GRM5: variants seen among roughly 807,000 people sequenced by gnomAD.
The protein encoded by GRM5 is metabotropic glutamate receptor 5.
In GRM5, 19 loss-of-function variants were observed where a neutral mutation model predicts 83.1. That is an observed-to-expected ratio of 0.23 (90% CI 0.16 to 0.34). The LOEUF (loss-of-function observed/expected upper bound fraction) is 0.34, where lower values mean the gene tolerates loss of function less well. GRM5 is among the 10% of genes least tolerant of loss of function. The probability of loss-of-function intolerance (pLI) is 1.00; values close to 1 mark genes in which losing one functional copy is unlikely to be tolerated. For missense variants in GRM5, 1,160 were observed against 1,588.3 expected (o/e 0.73, Z 4.58); for synonymous variants, 675 against 633.6 (o/e 1.07, Z -0.98).
chr11:88,549,223 G>A (rs921721730), intron 8 of GRM5, among the ~76,000 whole-genome samples: 3 of 152,050 alleles, frequency 2.0e-5, no homozygotes, highest in Non-Finnish European at 4.4e-5. Context: ...CAGCAATTTG[G>A]GAGACCAGGG....
At chr11:88,933,275 C>G (rs1207417804) in intron 2 of GRM5, among the ~76,000 whole-genome samples, 3 of 124,590 alleles carry the variant, frequency 2.4e-5, no homozygotes, top group Non-Finnish European at 3.2e-5. Context: ...TAACATCTAA[C>G]TAAGTGCAGA....
intron 2 of GRM5, among the ~76,000 whole-genome samples, chr11:88,995,243 T>C (rs1156736855): frequency 6.6e-6 from 1 of 151,858 alleles, no homozygotes; most frequent in East Asian, 1.9e-4. Context: ...AAAGTGAACA[T>C]ATGAGTTAAA....
chr11:88,842,538 ATTTCAGTGTTAT>A (rs1377164789), intron 3 of GRM5, among the ~76,000 whole-genome samples: 1 of 152,152 alleles, frequency 6.6e-6, no homozygotes, highest in Non-Finnish European at 1.5e-5. Context: ...CCAAATGGCC[ATTTCAGTGTTAT>A]TTTCACTTGA....
At chr11:89,024,174 A>G (rs1223531808) in intron 2 of GRM5, among the ~76,000 whole-genome samples, 1 of 152,176 alleles carries the variant, frequency 6.6e-6, no homozygotes, top group African/African-American at 2.4e-5. Flanking sequence ...TGATATCTCC[A>G]CGGCACTCCA....
intron 2 of GRM5, among the ~76,000 whole-genome samples, chr11:88,938,949 A>G (rs1223402289): frequency 6.6e-6 from 1 of 151,696 alleles, no homozygotes; most frequent in Non-Finnish European, 1.5e-5. Flanking sequence ...TTCTCTCCAT[A>G]ACTGTGAATT....
chr11:88,837,455 T>G (rs1030737328), intron 3 of GRM5, among the ~76,000 whole-genome samples: 1 of 152,218 alleles, frequency 6.6e-6, no homozygotes, highest in African/African-American at 2.4e-5. Context: ...GATCAACCAC[T>G]TAGAACAGTG....
chr11:88,834,079 A>G (rs11021522), intron 3 of GRM5, among the ~76,000 whole-genome samples: 2,516 of 152,270 alleles, frequency 0.017, 42 homozygotes, highest in East Asian at 0.067. Flanking sequence ...TAACAAAAAT[A>G]TATTGTTTGT....
At chr11:88,988,548 C>A (rs1388095289) in intron 2 of GRM5, among the ~76,000 whole-genome samples, 1 of 151,776 alleles carries the variant, frequency 6.6e-6, no homozygotes, top group Non-Finnish European at 1.5e-5. Context: ...AACTCCAAGA[C>A]ACATAACTGT....
At chr11:88,788,216 C>T (rs1396833147) in intron 3 of GRM5, among the ~76,000 whole-genome samples, 1 of 152,106 alleles carries the variant, frequency 6.6e-6, no homozygotes, top group Non-Finnish European at 1.5e-5. Flanking sequence ...AAATATTTTA[C>T]TTCATTTTGA....
intron 2 of GRM5, among the ~76,000 whole-genome samples, chr11:88,928,142 G>C (rs565300611): frequency 6.6e-6 from 1 of 152,250 alleles, no homozygotes; most frequent in Non-Finnish European, 1.5e-5. Context: ...GGGGTAAAAG[G>C]CATCTGATTC....
chr11:88,620,917 G>T (rs1938616153), intron 4 of GRM5, among the ~76,000 whole-genome samples: 1 of 152,112 alleles, frequency 6.6e-6, no homozygotes, highest in Non-Finnish European at 1.5e-5. Flanking sequence ...AGAAAGAAGA[G>T]GCTTCTTCAG....
intron 3 of GRM5, among the ~76,000 whole-genome samples, chr11:88,710,639 C>T (rs1008635339): frequency 6.6e-6 from 1 of 152,034 alleles, no homozygotes; most frequent in Non-Finnish European, 1.5e-5. Context: ...AGAAGGCAGT[C>T]TCTGGCTTTT....
intron 2 of GRM5, among the ~76,000 whole-genome samples, chr11:88,916,120 A>G (rs11021672): frequency 0.029 from 4,446 of 152,278 alleles, 211 homozygotes; most frequent in African/African-American, 0.1. Flanking sequence ...GGCTGAAGAG[A>G]AGCATCCAGC....
At chr11:88,756,519 AAT>A (rs1202319654) in intron 3 of GRM5, among the ~76,000 whole-genome samples, 1 of 152,186 alleles carries the variant, frequency 6.6e-6, no homozygotes, top group Admixed American at 6.5e-5. Context: ...AAGTCGAATT[AAT>A]ATGTCTCATA....
intron 3 of GRM5, among the ~76,000 whole-genome samples, chr11:88,765,798 T>C (rs745668056): frequency 2.2e-4 from 33 of 151,928 alleles, no homozygotes; most frequent in Non-Finnish European, 3.4e-4. Context: ...ATTTGTTGGA[T>C]ATAACATCAA....
chr11:88,765,543 ACAGT>A (rs1942611677), intron 3 of GRM5, among the ~76,000 whole-genome samples: 1 of 151,720 alleles, frequency 6.6e-6, no homozygotes, highest in South Asian at 2.1e-4. Context: ...CTTCACATAT[ACAGT>A]CAAATGGTTT....
Position 88,590,988 on chromosome 11 carries a change from T to C in GRM5, c.1564-261A>G, listed in dbSNP as rs530581880. Among the ~76,000 whole-genome samples the C allele has an allele frequency of 1.6e-4, 25 of 152,298 alleles. No homozygotes were observed. In the South Asian group the frequency reaches 4.1e-3, roughly 25 times the overall value. On this transcript the variant is annotated intron_variant, in intron 6 of 9. Coordinates refer to ENST00000305447, the MANE Select transcript of GRM5 (RefSeq NM_001143831.3). ...ATGAAAGTCTTTGGATAATTAGCCTTGGAAACCTGTATTTAATTAAGTACC... is the reference window on the plus strand; with the variant it reads ...ATGAAAGTCTTTGGATAATTAGCCTCGGAAACCTGTATTTAATTAAGTACC...
chr11:88,532,506 C>T (rs1942035828), intron 8 of GRM5, among the ~76,000 whole-genome samples: 1 of 152,082 alleles, frequency 6.6e-6, no homozygotes, highest in Admixed American at 6.5e-5. Flanking sequence ...AGTTTTAGGA[C>T]TAAGCTTGAG....
intron 3 of GRM5, among the ~76,000 whole-genome samples, chr11:88,767,254 G>A (rs929182979): frequency 6.6e-6 from 1 of 152,000 alleles, no homozygotes; most frequent in Non-Finnish European, 1.5e-5. Flanking sequence ...CAGCCATTGT[G>A]AAAAGCGGTG....
Sources: gnomAD v4.1 joint callset for allele counts (sites outside exome capture counted in the v4.1 genomes callset) on GRCh38, gnomAD v4.1.1 for gene constraint, MANE v1.5 for transcripts, NCBI Gene and HGNC (gene_info 2026-07-23, HGNC 2026-07-21) for gene names.